Variants in CSRNP3 observed in about 807,000 individuals in gnomAD.
The protein encoded by CSRNP3 is cysteine/serine-rich nuclear protein 3.
Under a neutral mutation model 48.0 loss-of-function variants are expected in CSRNP3, and 12 were observed. That is an observed-to-expected ratio of 0.25 (90% confidence interval 0.16 to 0.41). CSRNP3 has a LOEUF of 0.41. Ranked by LOEUF, CSRNP3 falls within the 10% of genes least tolerant of loss-of-function variation. The pLI, the probability that CSRNP3 is intolerant of heterozygous loss-of-function variation, is 1.00. For synonymous variants in CSRNP3, 263 were observed against 269.7 expected (o/e 0.98, Z 0.24); for missense variants, 580 against 724.4 (o/e 0.80, Z 2.29).
At chr2:165,641,319 T>A (rs1039687388) in intron 4 of CSRNP3, among the ~76,000 whole-genome samples, 2 of 152,244 alleles carry the variant, frequency 1.3e-5, no homozygotes, top group Middle Eastern at 3.2e-3. Context: ...GAAAGCTATC[T>A]GTCACCTCCT....
Position 165,662,036 on chromosome 2 carries a change from C to A in CSRNP3, c.408+4016C>A, listed in dbSNP as rs562151827. On this transcript the variant is annotated intron_variant, in intron 5 of 6. Coordinates refer to ENST00000651982, the MANE Select transcript of CSRNP3 (RefSeq NM_001172173.2). ...AACACATTTATATAATGGCACCTCT[C>A]ATAATGGGGCTTTAATAGAGAAATA... Among the ~76,000 whole-genome samples, 3 of 151,416 alleles carry A rather than the reference C, an allele frequency of 2.0e-5. No individual in the cohort carries two copies. The East Asian group carries it at 5.8e-4, about 29-fold the overall frequency.
At chr2:165,666,752 GGAGA>G (rs1354661939) in intron 5 of CSRNP3, among the ~76,000 whole-genome samples, 1 of 115,582 alleles carries the variant, frequency 8.7e-6, no homozygotes, top group Admixed American at 1.0e-4. Context: ...GAGGAAGGAA[GGAGA>G]GAGAGGAAGA....
At chr2:165,507,972 T>C (rs1216665924) in intron 2 of CSRNP3, among the ~76,000 whole-genome samples, 2 of 152,072 alleles carry the variant, frequency 1.3e-5, no homozygotes, top group African/African-American at 4.8e-5. Flanking sequence ...AAAAATCGCA[T>C]GGTTTCCATG....
intron 3 of CSRNP3, among the ~76,000 whole-genome samples, chr2:165,581,055 T>C (rs1020329342): frequency 2.0e-5 from 3 of 152,216 alleles, no homozygotes; most frequent in African/African-American, 7.2e-5. Flanking sequence ...TTAAAAGCCG[T>C]ATCGTGTTCT....
intron 2 of CSRNP3, among the ~76,000 whole-genome samples, chr2:165,500,387 A>G (rs1239051616): frequency 6.7e-6 from 1 of 148,724 alleles, no homozygotes; most frequent in Non-Finnish European, 1.5e-5. Context: ...GCGTATATGT[A>G]TATATGTATA....
At chr2:165,580,604 A>G (rs1685527937) in intron 3 of CSRNP3, among the ~76,000 whole-genome samples, 1 of 152,088 alleles carries the variant, frequency 6.6e-6, no homozygotes, top group Admixed American at 6.5e-5. Context: ...TCTGATGTCT[A>G]TTTTAATGTA....
At chr2:165,577,474 G>T (rs913546962) in intron 3 of CSRNP3, among the ~76,000 whole-genome samples, 1 of 151,626 alleles carries the variant, frequency 6.6e-6, no homozygotes, top group Admixed American at 6.6e-5. Flanking sequence ...GACTATAAAG[G>T]CCAGTTCTTA....
chr2:165,520,785 A>T (rs56123205), intron 3 of CSRNP3, among the ~76,000 whole-genome samples: 7 of 1,858 alleles, frequency 3.8e-3, no homozygotes, highest in East Asian at 0.023. Flanking sequence ...TATATATATT[A>T]TATATATATA....
At chr2:165,548,109 G>A (rs1467475186) in intron 3 of CSRNP3, among the ~76,000 whole-genome samples, 1 of 152,072 alleles carries the variant, frequency 6.6e-6, no homozygotes, top group Non-Finnish European at 1.5e-5. Context: ...CTAATTTGTG[G>A]TTTGCTAAAT....
At chr2:165,566,466 C>G (rs535648173) in intron 3 of CSRNP3, among the ~76,000 whole-genome samples, 2 of 151,676 alleles carry the variant, frequency 1.3e-5, no homozygotes, top group Admixed American at 1.3e-4. Flanking sequence ...ATTACAGTCT[C>G]TATCTCGTGA....
At chr2:165,545,149 A>G (rs1050380659) in intron 3 of CSRNP3, among the ~76,000 whole-genome samples, 2 of 152,212 alleles carry the variant, frequency 1.3e-5, no homozygotes, top group African/African-American at 4.8e-5. Flanking sequence ...GGTGTTGACA[A>G]GCATAGTTTC....
At position 165,575,702 on chromosome 2, in the gene CSRNP3, A is replaced by G. The variant is rs1013490508; in HGVS notation, c.-23-19341A>G. ...AGAGGGGGGATTGAGGAGGAACCACAACAGGAGGATAGCTATTTAAAACAG... is the reference window on the plus strand; with the variant it reads ...AGAGGGGGGATTGAGGAGGAACCACGACAGGAGGATAGCTATTTAAAACAG... On this transcript the variant is annotated intron_variant, in intron 3 of 6. Transcript: ENST00000651982. Among the ~76,000 whole-genome samples the G allele has an allele frequency of 5.3e-5, 8 of 152,142 alleles. 1 individual carries two copies. The highest frequency in any genetic ancestry group is 5.2e-4 in the Admixed American group (8 of 15,282).
intron 1 of CSRNP3, among the ~76,000 whole-genome samples, chr2:165,470,986 TG>T (rs1291882587): frequency 1.3e-5 from 2 of 152,100 alleles, no homozygotes; most frequent in Middle Eastern, 3.4e-3. Context: ...TTTTGTTTAT[TG>T]TTTTTCAAAT....
chr2:165,666,347 A>G lies in CSRNP3; in HGVS notation c.408+8327A>G, dbSNP rs200932034. The stretch of plus-strand genomic sequence containing the variant: ...GAGAGGAAGAAAGAAAGAGAGAGAG[A>G]AAGGAAGGAAGGAAGGAAAGAGAGA... On this transcript the variant is annotated intron_variant, in intron 5 of 6. Coordinates refer to ENST00000651982, the MANE Select transcript of CSRNP3 (RefSeq NM_001172173.2). 1.4e-3 allele frequency among the ~76,000 whole-genome samples: 153 copies of G among 109,222 alleles called. 2 individuals carry two copies. The highest frequency in any genetic ancestry group is 4.9e-3 in the African/African-American group (144 of 29,238). The allele number at this position is 109,222 out of a possible 152,430, so 71.7% of individuals were successfully genotyped here. A position where few individuals can be genotyped will look rare whatever the true frequency, so the allele number is the denominator to read the frequency against.
At chr2:165,500,172 G>C (rs1684337544) in intron 2 of CSRNP3, among the ~76,000 whole-genome samples, 2 of 151,494 alleles carry the variant, frequency 1.3e-5, no homozygotes, top group Admixed American at 6.6e-5. Flanking sequence ...TCCATGGTGA[G>C]ACCCAGTCTG....
At chr2:165,633,271 C>T (rs1305670895) in intron 4 of CSRNP3, among the ~76,000 whole-genome samples, 1 of 152,164 alleles carries the variant, frequency 6.6e-6, no homozygotes, top group Admixed American at 6.5e-5. Flanking sequence ...ACTTAAATCA[C>T]CTACAACTAT....
In CSRNP3 at chr2:165,661,958, T is replaced by C. The variant is rs185454386; in HGVS notation, c.408+3938T>C. 1.6e-4 allele frequency among the ~76,000 whole-genome samples: 24 copies of C among 152,284 alleles called. 1 individual carries two copies. In the East Asian group the frequency reaches 3.5e-3, roughly 22 times the overall value. ...AAAACAGGAAGAAGAAGTTCCTCTT[T>C]CCACTGTCCCTCTGTATCTTTCCAG... On this transcript the variant is annotated intron_variant, in intron 5 of 6. Coordinates refer to ENST00000651982, the MANE Select transcript of CSRNP3 (RefSeq NM_001172173.2).
At position 165,556,893 on chromosome 2, in the gene CSRNP3, T is replaced by C. The variant is rs185852775; in HGVS notation, c.-23-38150T>C. On this transcript the variant is annotated intron_variant, in intron 3 of 6. Transcript: ENST00000651982. ...ATAGTTAGCCTGAACACACTGAAAT[T>C]ACCCAATAGTTGTTTACAGCTGGTA... is the stretch of plus-strand genomic sequence containing the variant. Among the ~76,000 whole-genome samples the C allele has an allele frequency of 2.2e-3, 340 of 152,282 alleles. 1 individual carries two copies. The highest frequency in any genetic ancestry group is 7.8e-3 in the African/African-American group (325 of 41,540).
At chr2:165,648,483 A>C (rs1354394484) in intron 4 of CSRNP3, among the ~76,000 whole-genome samples, 2 of 152,168 alleles carry the variant, frequency 1.3e-5, no homozygotes, top group African/African-American at 4.8e-5. Context: ...AAAAGATAAA[A>C]TAATTTTTTA....
Sources: allele counts gnomAD v4.1 joint callset (sites outside exome capture counted in the v4.1 genomes callset), GRCh38; gene constraint gnomAD v4.1.1; transcripts MANE v1.5; gene names NCBI Gene and HGNC (gene_info 2026-07-23, HGNC 2026-07-21).